DIP2B: variants seen among roughly 807,000 people sequenced by gnomAD.
DIP2B encodes the protein disco-interacting protein 2 homolog B.
Under a neutral mutation model 198.0 loss-of-function variants are expected in DIP2B, and 76 were observed. The observed-to-expected ratio is 0.38, with a 90% CI of 0.32 to 0.46. The LOEUF is 0.46. DIP2B is among the 20% of genes least tolerant of loss of function. DIP2B has a pLI of 0.99. For synonymous variants in DIP2B, 701 were observed against 739.1 expected, an observed-to-expected ratio of 0.95 and a Z score of 0.84; for missense variants, 1,559 against 1,978.4, an observed-to-expected ratio of 0.79 and a Z score of 4.02.
chr12:50,638,559 C>T (rs1161956803), intron 2 of DIP2B, among the ~76,000 whole-genome samples: 3 of 152,084 alleles, frequency 2.0e-5, no homozygotes, highest in African/African-American at 4.8e-5. Flanking sequence ...AGTTAAGTTT[C>T]ATCTTTGCTT....
At chr12:50,545,649 G>A (rs1319174789) in intron 1 of DIP2B, among the ~76,000 whole-genome samples, 1 of 150,820 alleles carries the variant, frequency 6.6e-6, no homozygotes, top group African/African-American at 2.4e-5. Flanking sequence ...ACTCACACCT[G>A]TAACTTTTAT....
At chr12:50,522,022 A>G (rs567504977) in intron 1 of DIP2B, among the ~76,000 whole-genome samples, 1 of 151,384 alleles carries the variant, frequency 6.6e-6, no homozygotes, top group East Asian at 1.9e-4. Context: ...TTTTTTTAAG[A>G]TAGAGTCTTG....
At chr12:50,556,535 A>C (rs1196802371) in intron 1 of DIP2B, among the ~76,000 whole-genome samples, 1 of 150,630 alleles carries the variant, frequency 6.6e-6, no homozygotes, top group Non-Finnish European at 1.5e-5. Context: ...TTATTGACTT[A>C]AATGACACTA....
At chr12:50,537,391 T>A (rs886381981) in intron 1 of DIP2B, among the ~76,000 whole-genome samples, 5 of 152,028 alleles carry the variant, frequency 3.3e-5, no homozygotes, top group South Asian at 2.1e-4. Flanking sequence ...AGGGAATAGG[T>A]AGGGATTGAG....
chr12:50,718,523 T>A (rs1324423366), intron 23 of DIP2B, among the ~76,000 whole-genome samples, 186 bp from the exon 24 acceptor site: 1 of 152,242 alleles, frequency 6.6e-6, no homozygotes, highest in Non-Finnish European at 1.5e-5. Context: ...TATGTATTTC[T>A]TGGTTACCCT....
chr12:50,652,748 C>T (rs1938479515), intron 3 of DIP2B, among the ~76,000 whole-genome samples: 1 of 152,094 alleles, frequency 6.6e-6, no homozygotes, highest in African/African-American at 2.4e-5. Flanking sequence ...TCTTCCAGTC[C>T]ATGAACACAG....
chr12:50,732,341 G>A (rs1193836055), intron 31 of DIP2B, 25 bp from the exon 32 acceptor site: 2 of 1,612,634 alleles, frequency 1.2e-6, no homozygotes, highest in Non-Finnish European at 1.7e-6. Context: ...TACTGACTTG[G>A]CTCCCATATA....
At chr12:50,721,247 C>G (rs1939830956) in intron 25 of DIP2B, 26 bp from the exon 26 acceptor site, 1 of 1,608,256 alleles carries the variant, frequency 6.2e-7, no homozygotes, top group Non-Finnish European at 8.5e-7. Context: ...GAGCTTTGAC[C>G]CGCTTATCCT....
intron 2 of DIP2B, among the ~76,000 whole-genome samples, chr12:50,633,673 G>A (rs1294156087): frequency 6.6e-6 from 1 of 152,162 alleles, no homozygotes; most frequent in Non-Finnish European, 1.5e-5. Flanking sequence ...GGCTGAGGTG[G>A]GAGGATTGCT....
intron 1 of DIP2B, among the ~76,000 whole-genome samples, chr12:50,624,205 C>G (rs1228431412): frequency 6.6e-6 from 1 of 152,164 alleles, no homozygotes; most frequent in African/African-American, 2.4e-5. Flanking sequence ...TTCCTGAGTT[C>G]TAGATAAAAC....
At chr12:50,555,105 T>C (rs1333835504) in intron 1 of DIP2B, among the ~76,000 whole-genome samples, 1 of 152,134 alleles carries the variant, frequency 6.6e-6, no homozygotes, top group African/African-American at 2.4e-5. Flanking sequence ...TGGAATATAA[T>C]ATTCTTGCCC....
intron 7 of DIP2B, among the ~76,000 whole-genome samples, chr12:50,676,040 C>A (rs1241657645): frequency 6.6e-6 from 1 of 152,138 alleles, no homozygotes; most frequent in East Asian, 1.9e-4. Flanking sequence ...GGGAAGAAAT[C>A]AGTTCCTTCT....
chr12:50,670,408 G>GT (rs1324854257), intron 4 of DIP2B, among the ~76,000 whole-genome samples: 1 of 151,700 alleles, frequency 6.6e-6, no homozygotes, highest in East Asian at 1.9e-4. Context: ...TGGCACGTAT[G>GT]TTTTTTGTTT....
rs144475914 is a variant in DIP2B at position 50,720,507 on chromosome 12, A to G, written c.3043-766A>G. Among the ~76,000 whole-genome samples, 448 of 152,286 alleles carry G rather than the reference A, an allele frequency of 2.9e-3. 5 individuals carry two copies. The highest frequency in any genetic ancestry group is 0.01 in the African/African-American group (425 of 41,558). Reference sequence around the variant, plus strand: ...TGTGCATCTTATTGAAAAGTCGTTAAAAATCTTAAGAACCATTACTTTTAT... The same window carrying G: ...TGTGCATCTTATTGAAAAGTCGTTAGAAATCTTAAGAACCATTACTTTTAT... On this transcript the variant is annotated intron_variant, in intron 25 of 37. Coordinates refer to ENST00000301180, the MANE Select transcript of DIP2B (RefSeq NM_173602.3).
intron 1 of DIP2B, among the ~76,000 whole-genome samples, chr12:50,569,675 A>G (rs775642924): frequency 1.3e-5 from 2 of 152,140 alleles, no homozygotes; most frequent in Admixed American, 6.6e-5. Flanking sequence ...TATTTTACCA[A>G]TTGTGGCTTG....
At chr12:50,706,713 A>G (rs368421829) in intron 21 of DIP2B, 48 bp downstream of exon 21, 4 of 1,595,954 alleles carry the variant, frequency 2.5e-6, no homozygotes, top group African/African-American at 2.7e-5. Flanking sequence ...TGGAATCTAA[A>G]TACATCTTCA....
chr12:50,604,862 A>G (rs547728362), intron 1 of DIP2B, among the ~76,000 whole-genome samples: 1 of 152,322 alleles, frequency 6.6e-6, no homozygotes, highest in East Asian at 1.9e-4. Flanking sequence ...TAAAAAGAAT[A>G]TATATCAATG....
chr12:50,653,866 T>C (rs1041779028), intron 3 of DIP2B, among the ~76,000 whole-genome samples: 3 of 152,060 alleles, frequency 2.0e-5, no homozygotes, highest in African/African-American at 7.2e-5. Context: ...ATTTCTTTCC[T>C]TTTGCTATTT....
intron 22 of DIP2B, among the ~76,000 whole-genome samples, chr12:50,712,464 TGTG>T (rs1282296588): frequency 5.3e-5 from 8 of 151,460 alleles, no homozygotes; most frequent in African/African-American, 1.9e-4. Flanking sequence ...ATTAGCCAGA[TGTG>T]GTGGCACACA....
Sources: allele counts gnomAD v4.1 joint callset (sites outside exome capture counted in the v4.1 genomes callset), GRCh38; gene constraint gnomAD v4.1.1; transcripts MANE v1.5; gene names NCBI Gene and HGNC (gene_info 2026-07-23, HGNC 2026-07-21).